The following ACSL5 variants were observed in gnomAD, a reference collection of about 807,000 sequenced individuals.
The protein encoded by ACSL5 is long-chain-fatty-acid--CoA ligase 5.
Under a neutral mutation model 84.9 loss-of-function variants are expected in ACSL5, and 50 were observed. That is an observed-to-expected ratio of 0.59 (90% CI 0.47 to 0.75). The LOEUF (loss-of-function observed/expected upper bound fraction) is 0.75, where lower values mean the gene tolerates loss of function less well. Among genes scored for constraint, ACSL5 ranks in the 30% least tolerant of loss-of-function variants. ACSL5 has a pLI of 0.00. For synonymous variants in ACSL5, 280 were observed against 300.7 expected (o/e 0.93, Z 0.71); for missense variants, 775 against 830.4 (o/e 0.93, Z 0.82).
chr10:112,414,537 T>C (rs1366801905), intron 12 of ACSL5, among the ~76,000 whole-genome samples: 3 of 151,996 alleles, frequency 2.0e-5, no homozygotes, highest in Admixed American at 2.0e-4. Flanking sequence ...TAATATTTTT[T>C]AGTAGAGATG....
chr10:112,388,775 A>G (rs747980075), intron 1 of ACSL5, among the ~76,000 whole-genome samples: 4 of 152,188 alleles, frequency 2.6e-5, no homozygotes, highest in Non-Finnish European at 5.9e-5. Context: ...GGTAAAGACA[A>G]TATTCAATAA....
chr10:112,392,471 G>T (rs547938613), intron 1 of ACSL5, among the ~76,000 whole-genome samples: 66 of 152,054 alleles, frequency 4.3e-4, no homozygotes, highest in South Asian at 2.5e-3. Flanking sequence ...GCCAGGTACG[G>T]TGGCTCACAC....
At chr10:112,413,533 C>T (rs1357349471) in intron 12 of ACSL5, among the ~76,000 whole-genome samples, 1 of 152,174 alleles carries the variant, frequency 6.6e-6, no homozygotes, top group East Asian at 1.9e-4. Context: ...CGAGACCAAC[C>T]TGGCCAACAT....
At chr10:112,378,840 T>A (rs1849294017) in intron 1 of ACSL5, among the ~76,000 whole-genome samples, 1 of 152,214 alleles carries the variant, frequency 6.6e-6, no homozygotes, top group African/African-American at 2.4e-5. Context: ...GCGCAGGGCC[T>A]GACACTTCCT....
rs1027399327 is a variant in ACSL5 at position 112,374,262 on chromosome 10, C to T, written c.-37C>T. The stretch of plus-strand genomic sequence containing the variant: ...CCTGGACCCAGGAAGGGAGAGTCTT[C>T]TTCCAAGGTAAGCTGCAATGATACT... On this transcript the variant is annotated 5_prime_UTR_variant, in exon 1 of 21. Transcript: ENST00000354655. 4 of 152,114 alleles carry T rather than the reference C, an allele frequency of 2.6e-5. No individual in the cohort carries two copies. Among genetic ancestry groups the T allele is most frequent in the African/African-American group, 9.7e-5 (4 of 41,406 alleles). The allele number at this position is 152,114 out of a possible 1,614,324, so 9.4% of individuals were successfully genotyped here. A position where few individuals can be genotyped will look rare whatever the true frequency, so the allele number is the denominator to read the frequency against.
At chr10:112,383,150 T>G (rs1308678542) in intron 1 of ACSL5, among the ~76,000 whole-genome samples, 2 of 152,136 alleles carry the variant, frequency 1.3e-5, no homozygotes, top group Admixed American at 1.3e-4. Context: ...CCGAGTGTGG[T>G]TGTGCACACC....
chr10:112,399,141 A>G (rs1420001287), intron 3 of ACSL5, 132 bp downstream of exon 3: 12 of 741,126 alleles, frequency 1.6e-5, no homozygotes, highest in Non-Finnish European at 2.5e-5. Flanking sequence ...AACATGCAAA[A>G]TAGAGGCAAC....
intron 12 of ACSL5, among the ~76,000 whole-genome samples, chr10:112,416,582 G>GTTTA (rs1368862810): frequency 6.6e-6 from 1 of 150,498 alleles, no homozygotes; most frequent in African/African-American, 2.4e-5. Context: ...TTGTTTGTTT[G>GTTTA]TTTTAAATCT....
intron 12 of ACSL5, among the ~76,000 whole-genome samples, chr10:112,414,793 G>A (rs570179657): frequency 6.6e-6 from 1 of 152,218 alleles, no homozygotes; most frequent in African/African-American, 2.4e-5. Context: ...AATTCTTAGA[G>A]TGTCTGATTG....
intron 1 of ACSL5, among the ~76,000 whole-genome samples, chr10:112,378,046 A>T (rs2133555426): frequency 6.6e-6 from 1 of 152,248 alleles, no homozygotes; most frequent in South Asian, 2.1e-4. Flanking sequence ...GACACCAACA[A>T]CAACATCAGC....
chr10:112,394,802 G>A (rs1261908221), intron 1 of ACSL5, 116 bp from the exon 2 acceptor site: 28 of 1,508,778 alleles, frequency 1.9e-5, no homozygotes, highest in South Asian at 1.6e-4. Flanking sequence ...GTTTGAAGGC[G>A]TGCGCGCGTG....
intron 1 of ACSL5, among the ~76,000 whole-genome samples, chr10:112,383,984 A>G (rs557041619): frequency 1.8e-4 from 28 of 152,190 alleles, no homozygotes; most frequent in Admixed American, 3.3e-4. Flanking sequence ...ACTTGAGACC[A>G]GGAGCTCAAG....
intron 1 of ACSL5, among the ~76,000 whole-genome samples, chr10:112,377,811 A>G (rs942437373): frequency 6.6e-6 from 1 of 152,238 alleles, no homozygotes; most frequent in Admixed American, 6.5e-5. Context: ...AAATGCTTAT[A>G]GGACAGGCAA....
At chr10:112,391,226 A>T (rs1368265132) in intron 1 of ACSL5, among the ~76,000 whole-genome samples, 2 of 152,190 alleles carry the variant, frequency 1.3e-5, no homozygotes, top group Non-Finnish European at 2.9e-5. Flanking sequence ...CTAAAAATGC[A>T]AAGTTAGTTG....
intron 13 of ACSL5, among the ~76,000 whole-genome samples, chr10:112,417,340 TA>T (rs1844340019): frequency 6.6e-6 from 1 of 151,622 alleles, no homozygotes; most frequent in African/African-American, 2.4e-5. Flanking sequence ...CAGTCTCTAC[TA>T]AAAATACAAA....
At chr10:112,383,623 A>G (rs1429354598) in intron 1 of ACSL5, among the ~76,000 whole-genome samples, 2 of 152,222 alleles carry the variant, frequency 1.3e-5, no homozygotes, top group Non-Finnish European at 2.9e-5. Context: ...CATTTTACAC[A>G]ACATGAGGGC....
intron 14 of ACSL5, among the ~76,000 whole-genome samples, chr10:112,420,475 C>A (rs1223014689): frequency 6.6e-6 from 1 of 152,142 alleles, no homozygotes; most frequent in Non-Finnish European, 1.5e-5. Flanking sequence ...GAGTCAGATA[C>A]CAGATGGCTC....
intron 17 of ACSL5, 63 bp downstream of exon 17, chr10:112,422,504 A>AT (rs1844490399): frequency 6.7e-7 from 1 of 1,485,288 alleles, no homozygotes; most frequent in African/African-American, 1.4e-5. Flanking sequence ...CAATCTGCTT[A>AT]TAGCAAGAGG....
At chr10:112,377,261 C>T (rs957530751) in intron 1 of ACSL5, among the ~76,000 whole-genome samples, 22 of 152,244 alleles carry the variant, frequency 1.4e-4, no homozygotes, top group African/African-American at 4.6e-4. Flanking sequence ...AAGTTAAGGC[C>T]GGGCGCAGTG....
Sources: gnomAD v4.1 joint callset for allele counts (sites outside exome capture counted in the v4.1 genomes callset) on GRCh38, gnomAD v4.1.1 for gene constraint, MANE v1.5 for transcripts, NCBI Gene and HGNC (gene_info 2026-07-23, HGNC 2026-07-21) for gene names.